The following OR1J2 variants were observed in gnomAD, a reference collection of about 807,000 sequenced individuals.
The protein encoded by OR1J2 is olfactory receptor 1J2.
For synonymous variants in OR1J2, 142 were observed against 99.7 expected (o/e 1.42, Z -2.52); for missense variants, 304 against 246.1 (o/e 1.24, Z -1.57).
chr9:122,463,486 G>A, the OR1J2 span, among the ~76,000 whole-genome samples: 1 of 152,062 alleles, frequency 6.6e-6, no homozygotes, highest in Admixed American at 6.5e-5. Context: ...ATCTTTTGGG[G>A]GTGTTAAAGA....
At chr9:122,459,182 C>G in the OR1J2 span, among the ~76,000 whole-genome samples, 2 of 152,084 alleles carry the variant, frequency 1.3e-5, no homozygotes, top group East Asian at 3.8e-4. Flanking sequence ...TTTTCTTTAT[C>G]CATTTGTCTG....
the OR1J2 span, chr9:122,567,478 A>G: frequency 1.0e-5 from 12 of 1,192,524 alleles, no homozygotes; most frequent in Non-Finnish European, 1.4e-5. Flanking sequence ...TTGACTGTTC[A>G]CCAGAAACCA....
At chr9:122,498,817 G>A in the OR1J2 span, among the ~76,000 whole-genome samples, 29 of 151,486 alleles carry the variant, frequency 1.9e-4, no homozygotes, top group African/African-American at 6.8e-4. Flanking sequence ...TTTCTTTCCC[G>A]TTAATGTTAT....
At chr9:122,571,567 T>C in the OR1J2 span, among the ~76,000 whole-genome samples, 1 of 128,464 alleles carries the variant, frequency 7.8e-6, no homozygotes, top group Non-Finnish European at 1.7e-5. Context: ...AAAAAAAAAA[T>C]TAGCTGAGTG....
the OR1J2 span, among the ~76,000 whole-genome samples, chr9:122,561,127 A>T: frequency 2.0e-5 from 3 of 152,096 alleles, no homozygotes; most frequent in Non-Finnish European, 4.4e-5. Context: ...TTAGCTATTG[A>T]TACTTGCGTA....
the OR1J2 span, among the ~76,000 whole-genome samples, chr9:122,551,757 T>C: frequency 6.6e-6 from 1 of 152,028 alleles, no homozygotes; most frequent in East Asian, 1.9e-4. Flanking sequence ...AGGTCGACCT[T>C]AACGAGCACA....
chr9:122,460,144 G>A, the OR1J2 span, among the ~76,000 whole-genome samples: 3 of 151,174 alleles, frequency 2.0e-5, no homozygotes, highest in African/African-American at 7.3e-5. Context: ...TTATGGCTGA[G>A]CAGTATTCCA....
the OR1J2 span, chr9:122,526,392 C>G: frequency 6.6e-7 from 1 of 1,507,470 alleles, no homozygotes; most frequent in Non-Finnish European, 8.9e-7. Context: ...ACTGAAGAGC[C>G]TCTTTAGGGC....
At chr9:122,498,869 C>T in the OR1J2 span, among the ~76,000 whole-genome samples, 2 of 152,128 alleles carry the variant, frequency 1.3e-5, no homozygotes, top group Admixed American at 6.5e-5. Flanking sequence ...TGAGGTGTAA[C>T]TGTAGAGAAT....
chr9:122,578,919 A>G, the OR1J2 span, among the ~76,000 whole-genome samples: 103 of 152,152 alleles, frequency 6.8e-4, 2 homozygotes, highest in African/African-American at 2.5e-3. Flanking sequence ...GTAACCAAAC[A>G]CCACCTGTTC....
chr9:122,468,545 CTT>C, the OR1J2 span, among the ~76,000 whole-genome samples: 1 of 150,440 alleles, frequency 6.6e-6, no homozygotes. Flanking sequence ...TTTTTTTTCT[CTT>C]TGTCTGTGAA....
chr9:122,462,160 A>G, the OR1J2 span, among the ~76,000 whole-genome samples: 1 of 152,154 alleles, frequency 6.6e-6, no homozygotes, highest in Non-Finnish European at 1.5e-5. Context: ...TCCTTTTATC[A>G]TTATATAATG....
chr9:122,572,223 C>T, the OR1J2 span, among the ~76,000 whole-genome samples: 8 of 152,200 alleles, frequency 5.3e-5, no homozygotes, highest in Non-Finnish European at 1.0e-4. Flanking sequence ...CCACCTTCAA[C>T]ACTGGAGATT....
chr9:122,470,787 C>A, the OR1J2 span, among the ~76,000 whole-genome samples: 7 of 152,326 alleles, frequency 4.6e-5, no homozygotes, highest in East Asian at 9.7e-4. Flanking sequence ...ATCAGCATGA[C>A]CTGGATGTGA....
the OR1J2 span, among the ~76,000 whole-genome samples, chr9:122,502,144 A>G: frequency 6.6e-6 from 1 of 152,222 alleles, no homozygotes; most frequent in Non-Finnish European, 1.5e-5. Context: ...GGAAATAAAA[A>G]TTCTGATAGT....
chr9:122,472,773 A>G, the OR1J2 span, among the ~76,000 whole-genome samples: 1 of 151,990 alleles, frequency 6.6e-6, no homozygotes, highest in Non-Finnish European at 1.5e-5. Flanking sequence ...TTAAAAAAAG[A>G]CTCCCTCTGA....
At chr9:122,452,818 C>T in the OR1J2 span, among the ~76,000 whole-genome samples, 1 of 151,242 alleles carries the variant, frequency 6.6e-6, no homozygotes, top group East Asian at 1.9e-4. Context: ...CACCTGAGGT[C>T]AGGAGTTCAA....
chr9:122,501,500 C>T, the OR1J2 span, among the ~76,000 whole-genome samples: 1 of 152,192 alleles, frequency 6.6e-6, no homozygotes, highest in East Asian at 1.9e-4. Flanking sequence ...AAATAACCTT[C>T]AGCCAACAAG....
the OR1J2 span, among the ~76,000 whole-genome samples, chr9:122,532,747 C>G: frequency 6.6e-6 from 1 of 152,046 alleles, no homozygotes; most frequent in Non-Finnish European, 1.5e-5. Flanking sequence ...TGATGGTCAG[C>G]CTAAAACAGT....
Sources: allele counts gnomAD v4.1 joint callset (sites outside exome capture counted in the v4.1 genomes callset), GRCh38; gene constraint gnomAD v4.1.1; transcripts MANE v1.5; gene names NCBI Gene and HGNC (gene_info 2026-07-23, HGNC 2026-07-21).